Variants in ARHGAP20 observed in about 807,000 individuals in gnomAD.
ARHGAP20 encodes the protein rho GTPase-activating protein 20.
In ARHGAP20, 34 loss-of-function variants were observed where a neutral mutation model predicts 73.7. That is an observed-to-expected ratio of 0.46 (90% CI 0.35 to 0.61). The LOEUF (loss-of-function observed/expected upper bound fraction) is 0.61. ARHGAP20 is among the 20% of genes least tolerant of loss of function. The pLI is 0.00. For synonymous variants in ARHGAP20, 523 were observed against 518.2 expected (o/e 1.01, Z -0.13); for missense variants, 1,314 against 1,420.9 (o/e 0.92, Z 1.21).
intron 2 of ARHGAP20, among the ~76,000 whole-genome samples, chr11:110,661,133 T>C (rs1949601767): frequency 6.6e-6 from 1 of 152,238 alleles, no homozygotes; most frequent in Non-Finnish European, 1.5e-5. Flanking sequence ...AAGCTATTAC[T>C]GATTCCATCT....
Position 110,578,963 on chromosome 11 carries a change from G to A in ARHGAP20, c.*407C>T, listed in dbSNP as rs1947358073. On this transcript the variant is annotated 3_prime_UTR_variant, in exon 15 of 15. Transcript: ENST00000683387. ...ACTTATTAAAAACATTCCATGGAAT[G>A]TAGATGGTTTCTCTGTACCCTTCCC... 3.0e-6 allele frequency: 3 copies of A among 988,276 alleles called. No homozygotes were observed. Among genetic ancestry groups the A allele is most frequent in the Admixed American group, 1.2e-4 (2 of 16,794 alleles). 61.2% of individuals were successfully genotyped at this position (988,276 alleles called of 1,614,324 possible).
At chr11:110,681,064 T>C (rs1950027961) in intron 2 of ARHGAP20, among the ~76,000 whole-genome samples, 1 of 152,216 alleles carries the variant, frequency 6.6e-6, no homozygotes. Flanking sequence ...TCGCATCATA[T>C]ACCTTGGATC....
chr11:110,633,729 A>T (rs1295636396), intron 2 of ARHGAP20, among the ~76,000 whole-genome samples: 4 of 152,202 alleles, frequency 2.6e-5, no homozygotes, highest in Non-Finnish European at 4.4e-5. Flanking sequence ...CATTTTAGAG[A>T]TTAACAAAGT....
At chr11:110,699,092 C>T (rs2197930) in intron 1 of ARHGAP20, among the ~76,000 whole-genome samples, 22,713 of 151,562 alleles carry the variant, frequency 0.15, 1,798 homozygotes, top group South Asian at 0.29. Flanking sequence ...TGCTGTATCC[C>T]TGAGGTTTTG....
intron 2 of ARHGAP20, among the ~76,000 whole-genome samples, chr11:110,654,230 T>C (rs1192776113): frequency 7.2e-5 from 11 of 152,118 alleles, no homozygotes; most frequent in Non-Finnish European, 1.5e-4. Context: ...CCCTGGCATA[T>C]ACTCAAAAAT....
At chr11:110,705,632 G>A (rs552853986) in intron 1 of ARHGAP20, among the ~76,000 whole-genome samples, 2 of 152,146 alleles carry the variant, frequency 1.3e-5, no homozygotes, top group South Asian at 4.2e-4. Flanking sequence ...TTCTGCCATG[G>A]TAAAATGCAC....
chr11:110,712,075 G>A (rs1950674433), intron 1 of ARHGAP20, 52 bp downstream of exon 1: 2 of 1,255,866 alleles, frequency 1.6e-6, no homozygotes, highest in African/African-American at 1.6e-5. Context: ...GCGCGCGCCG[G>A]CAGTGGGGGC....
chr11:110,700,130 T>C (rs2060582257), intron 1 of ARHGAP20, among the ~76,000 whole-genome samples: 1 of 151,978 alleles, frequency 6.6e-6, no homozygotes, highest in African/African-American at 2.4e-5. Flanking sequence ...TCACAGAGAT[T>C]AAAGAAAAAC....
At chr11:110,648,226 TATATATATATGTAA>T (rs1158352483) in intron 2 of ARHGAP20, among the ~76,000 whole-genome samples, 1,027 of 79,304 alleles carry the variant, frequency 0.013, 18 homozygotes, top group African/African-American at 0.058. Flanking sequence ...TATATGTATA[TATATATATATGTAA>T]ATATATATAT....
At chr11:110,617,057 C>T (rs1948499954) in intron 4 of ARHGAP20, among the ~76,000 whole-genome samples, 1 of 152,112 alleles carries the variant, frequency 6.6e-6, no homozygotes. Flanking sequence ...TGGAAGGTCC[C>T]TTATGTTCTT....
chr11:110,639,540 CT>C (rs1949038687), intron 2 of ARHGAP20, among the ~76,000 whole-genome samples: 1 of 151,904 alleles, frequency 6.6e-6, no homozygotes, highest in Non-Finnish European at 1.5e-5. Flanking sequence ...TTCATTACCC[CT>C]AAAGAAAAAC....
intron 2 of ARHGAP20, among the ~76,000 whole-genome samples, chr11:110,678,402 T>C (rs561886727): frequency 1.3e-5 from 2 of 152,342 alleles, no homozygotes; most frequent in East Asian, 3.9e-4. Flanking sequence ...TGTTTTGTTT[T>C]AAAAAAGATG....
At chr11:110,589,082 A>C (rs947253873) in intron 11 of ARHGAP20, among the ~76,000 whole-genome samples, 8 of 152,232 alleles carry the variant, frequency 5.3e-5, no homozygotes, top group African/African-American at 1.9e-4. Context: ...AAAAAAACAA[A>C]AAACAAAAAA....
In ARHGAP20 at chr11:110,612,441, A is replaced by C. The variant is rs573317063; in HGVS notation, c.631-1055T>G. ...AGACTCCATCTCAAAAAAAAAACAAAAAACAAACAAACAAACAAAAAGAGT... is the reference window on the plus strand; with the variant it reads ...AGACTCCATCTCAAAAAAAAAACAACAAACAAACAAACAAACAAAAAGAGT... On this transcript the variant is annotated intron_variant, in intron 6 of 14. Coordinates refer to ENST00000683387, the MANE Select transcript of ARHGAP20 (RefSeq NM_001384657.1). Among the ~76,000 whole-genome samples the C allele has an allele frequency of 1.2e-4, 18 of 152,044 alleles. No homozygotes were observed. In the South Asian group the frequency reaches 3.7e-3, roughly 32 times the overall value.
At chr11:110,593,477 G>A (rs1947878091) in intron 9 of ARHGAP20, among the ~76,000 whole-genome samples, 1 of 152,178 alleles carries the variant, frequency 6.6e-6, no homozygotes, top group South Asian at 2.1e-4. Flanking sequence ...ACTAAAGAGT[G>A]AGCAAAAGAA....
At chr11:110,591,495 A>G (rs1028455577) in intron 10 of ARHGAP20, among the ~76,000 whole-genome samples, 1 of 152,242 alleles carries the variant, frequency 6.6e-6, no homozygotes, top group Non-Finnish European at 1.5e-5. Context: ...TAAAATATCA[A>G]CTGGAGATAA....
At chr11:110,700,281 T>A (rs2135139795) in intron 1 of ARHGAP20, among the ~76,000 whole-genome samples, 1 of 152,178 alleles carries the variant, frequency 6.6e-6, no homozygotes, top group South Asian at 2.1e-4. Flanking sequence ...CTGAAGTCAC[T>A]TTCAAGCATT....
chr11:110,662,853 T>C (rs1467209081), intron 2 of ARHGAP20, among the ~76,000 whole-genome samples: 2 of 151,938 alleles, frequency 1.3e-5, no homozygotes, highest in Admixed American at 6.6e-5. Flanking sequence ...TCCCCAAATG[T>C]AGTCTTGGAG....
At chr11:110,688,443 T>C (rs965461526) in intron 2 of ARHGAP20, among the ~76,000 whole-genome samples, 3 of 152,168 alleles carry the variant, frequency 2.0e-5, no homozygotes, top group Non-Finnish European at 2.9e-5. Context: ...AAAACCTTAG[T>C]ACACTTCATA....
Sources: gnomAD v4.1 joint callset for allele counts (sites outside exome capture counted in the v4.1 genomes callset) on GRCh38, gnomAD v4.1.1 for gene constraint, MANE v1.5 for transcripts, NCBI Gene and HGNC (gene_info 2026-07-23, HGNC 2026-07-21) for gene names.